The following TNFRSF1B variants were observed in gnomAD, a reference collection of about 807,000 sequenced individuals.
The protein encoded by TNFRSF1B is TNF receptor superfamily member 1B.
In TNFRSF1B, 19 loss-of-function variants were observed where a neutral mutation model predicts 44.6. The ratio of observed to expected loss-of-function variants is 0.43; its 90% CI spans 0.30 to 0.62. The LOEUF (loss-of-function observed/expected upper bound fraction) is 0.62, where lower values mean the gene tolerates loss of function less well. Ranked by LOEUF, TNFRSF1B falls within the 20% of genes least tolerant of loss-of-function variation. The pLI, the probability that TNFRSF1B is intolerant of heterozygous loss-of-function variation, is 0.16. For missense variants in TNFRSF1B, 541 were observed against 619.9 expected (o/e 0.87, Z 1.35); for synonymous variants, 252 against 261.1 (o/e 0.97, Z 0.34).
In TNFRSF1B at chr1:12,207,228, G is replaced by A; in HGVS notation, c.*208G>A. 2 of 488,630 alleles carry A rather than the reference G, an allele frequency of 4.1e-6. No homozygotes were observed. Among genetic ancestry groups the A allele is most frequent in the East Asian group, 3.3e-5 (1 of 30,422 alleles). The allele number at this position is 488,630 out of a possible 1,614,324, so 30.3% of individuals were successfully genotyped here. ...CAGCGAGTTGTGGAAAGCCTCTGCT[G>A]CCATGGCGTGTCCCTCTCGGAAGGC... On this transcript the variant is annotated 3_prime_UTR_variant, in exon 10 of 10. Coordinates refer to ENST00000376259, the MANE Select transcript of TNFRSF1B (RefSeq NM_001066.3).
intron 6 of TNFRSF1B, among the ~76,000 whole-genome samples, chr1:12,193,551 C>T (rs1221185243): frequency 6.6e-6 from 1 of 152,200 alleles, no homozygotes; most frequent in Non-Finnish European, 1.5e-5. Flanking sequence ...CCAGCCTGGG[C>T]AATGAGTGAG....
chr1:12,205,865 C>T (rs1041950488), intron 9 of TNFRSF1B, among the ~76,000 whole-genome samples: 4 of 151,930 alleles, frequency 2.6e-5, no homozygotes, highest in East Asian at 1.9e-4. Context: ...TGACCTCAGG[C>T]GATCCACCTG....
In TNFRSF1B at chr1:12,189,466, G is replaced by T. The variant is rs143923164; in HGVS notation, c.178+571G>T. Among the ~76,000 whole-genome samples the T allele has an allele frequency of 2.2e-3, 335 of 152,328 alleles. 4 individuals carry two copies. Among genetic ancestry groups the T allele is most frequent in the African/African-American group, 7.7e-3 (321 of 41,574 alleles). On this transcript the variant is annotated intron_variant, in intron 2 of 9. Coordinates refer to ENST00000376259, the MANE Select transcript of TNFRSF1B (RefSeq NM_001066.3). ...TCAGTGCATATTTGACTGACTCTGTGAATGCTTACCCATTTCACAGATGGT... is the reference window on the plus strand; with the variant it reads ...TCAGTGCATATTTGACTGACTCTGTTAATGCTTACCCATTTCACAGATGGT...
rs936556071 is a variant in TNFRSF1B at position 12,168,380 on chromosome 1, C to T, written c.78+1211C>T. ...GGCTGTCAGACTAGAATTGACTCAC[C>T]GACAGTGGGTGTCAGGAGTGGGTCC... On this transcript the variant is annotated intron_variant, in intron 1 of 9. Transcript: ENST00000376259. This position sits in a 1 kb window ranked among gnomAD's most constrained non-coding sequence, Gnocchi z 4.7. Among the ~76,000 whole-genome samples the T allele has an allele frequency of 6.6e-6, 1 of 152,154 alleles. No individual in the cohort carries two copies. The highest frequency in any genetic ancestry group is 2.4e-5 in the African/African-American group (1 of 41,432).
At chr1:12,189,722 ATCTG>A (rs1264028809) in intron 2 of TNFRSF1B, among the ~76,000 whole-genome samples, 1 of 152,202 alleles carries the variant, frequency 6.6e-6, no homozygotes, top group African/African-American at 2.4e-5. Flanking sequence ...GGTCCTGTCT[ATCTG>A]TAAGTGCTGT....
At chr1:12,197,953 A>G (rs554465903) in intron 8 of TNFRSF1B, among the ~76,000 whole-genome samples, 362 of 152,098 alleles carry the variant, frequency 2.4e-3, no homozygotes, top group African/African-American at 8.1e-3. Context: ...GTGAAACCCC[A>G]TCTCTACTAA....
At chr1:12,184,881 G>T (rs1638945771) in intron 1 of TNFRSF1B, among the ~76,000 whole-genome samples, 1 of 152,228 alleles carries the variant, frequency 6.6e-6, no homozygotes, top group South Asian at 2.1e-4. Flanking sequence ...CACGAGACCT[G>T]TGCTGGCCAC....
chr1:12,188,759 G>A lies in TNFRSF1B; in HGVS notation c.79-37G>A, dbSNP rs780866089. 6.9e-6 allele frequency: 11 copies of A among 1,595,988 alleles called. 1 individual carries two copies. The highest frequency in any genetic ancestry group is 4.0e-5 in the African/African-American group (3 of 74,554). ...ATCAGGCATGGCAGAACCCAGGGGC[G>A]GCCCTGTTGATGGCAGTCTTCCCTT... On this transcript the variant is annotated intron_variant, in intron 1 of 9. Transcript: ENST00000376259.
intron 1 of TNFRSF1B, among the ~76,000 whole-genome samples, chr1:12,183,647 T>C (rs1227276834): frequency 6.2e-5 from 9 of 146,288 alleles, no homozygotes; most frequent in African/African-American, 1.8e-4. Flanking sequence ...TCTAGCTATT[T>C]TATCTATTTT....
At chr1:12,206,653 G>A in intron 9 of TNFRSF1B, 87 bp from the exon 10 acceptor site, 3 of 1,408,490 alleles carry the variant, frequency 2.1e-6, no homozygotes, top group Admixed American at 2.4e-5. Flanking sequence ...TCTTTCCCAT[G>A]TGTCTGAATC....
Position 12,191,908 on chromosome 1 carries a change from G to A in TNFRSF1B, c.442G>A (p.Gly148Ser), listed in dbSNP as rs1237702412. 1 of 1,609,060 alleles carries A rather than the reference G, an allele frequency of 6.2e-7. No homozygotes were observed. The highest frequency in any genetic ancestry group is 2.2e-5 in the East Asian group (1 of 44,802). Residue 148 changes from glycine (G) to serine (S), a missense_variant, in exon 4 of 10, where the codon GGC becomes AGC. Coordinates refer to ENST00000376259, the MANE Select transcript of TNFRSF1B (RefSeq NM_001066.3). Reference sequence around the variant, plus strand: ...GCTGCGCAAGTGCCGCCCGGGCTTCGGCGTGGCCAGACCAGGTACGGGGTG... The same window carrying A: ...GCTGCGCAAGTGCCGCCCGGGCTTCAGCGTGGCCAGACCAGGTACGGGGTG... ...APLRKCRPGFGVARPGTETSD... is the reference protein window; with the variant it reads ...APLRKCRPGFSVARPGTETSD...
chr1:12,200,034 C>T (rs1639352628), intron 8 of TNFRSF1B, among the ~76,000 whole-genome samples: 1 of 152,158 alleles, frequency 6.6e-6, no homozygotes, highest in African/African-American at 2.4e-5. Flanking sequence ...GGGACCTTGC[C>T]TTGAGCCTCC....
rs1557639328 is a variant in TNFRSF1B, at chr1:12,199,708, G to T, written c.901-2259G>T. ...AGGCAGGAGGTCTCAGCCTTTCTTG[G>T]GGGGCGGTGGCACCTGCGCTGCTCG... On this transcript the variant is annotated intron_variant, in intron 8 of 9. Transcript: ENST00000376259. The surrounding 1 kb of genome is among the most constrained non-coding windows in gnomAD (Gnocchi z 4.0). 6.6e-6 allele frequency among the ~76,000 whole-genome samples: 1 copy of T among 152,166 alleles called. No homozygotes were observed.
rs749531606 is a variant in TNFRSF1B, at chr1:12,191,942, G to A, written c.457+19G>A. The A allele has an allele frequency of 2.6e-5, 41 of 1,603,536 alleles. No individual in the cohort carries two copies. The highest frequency in any genetic ancestry group is 3.4e-5 in the Non-Finnish European group (40 of 1,175,600). ...AGACCAGGTACGGGGTGGGGCTCAG[G>A]TCCTTGGGGACGCCCATGGGCCTCT... On this transcript the variant is annotated intron_variant, in intron 4 of 9. Coordinates refer to ENST00000376259, the MANE Select transcript of TNFRSF1B (RefSeq NM_001066.3).
In TNFRSF1B at chr1:12,188,912, G is replaced by C. The variant is rs1216886925; in HGVS notation, c.178+17G>C. On this transcript the variant is annotated intron_variant, in intron 2 of 9. Transcript: ENST00000376259. ...GCTCGCCGGGTGAGGGCAGCCACGG[G>C]GGCACTCGGGGCCCATGCCCTGGAG... 6.2e-7 allele frequency: 1 copy of C among 1,608,482 alleles called. No individual in the cohort carries two copies. The highest frequency in any genetic ancestry group is 8.5e-7 in the Non-Finnish European group (1 of 1,177,344).
intron 8 of TNFRSF1B, among the ~76,000 whole-genome samples, chr1:12,197,408 T>G (rs953770314): frequency 6.6e-6 from 1 of 152,234 alleles, no homozygotes; most frequent in Non-Finnish European, 1.5e-5. Context: ...GTAGCCAGTT[T>G]CCAACTCCCA....
chr1:12,173,368 G>A (rs940860062), intron 1 of TNFRSF1B, among the ~76,000 whole-genome samples: 1 of 152,112 alleles, frequency 6.6e-6, no homozygotes, highest in African/African-American at 2.4e-5. Flanking sequence ...TCTTCTTCTT[G>A]CTGACCTCAA....
At position 12,194,630 on chromosome 1, in the gene TNFRSF1B, C is replaced by G; in HGVS notation, c.900+12C>G. On this transcript the variant is annotated intron_variant, in intron 8 of 9. Coordinates refer to ENST00000376259, the MANE Select transcript of TNFRSF1B (RefSeq NM_001066.3). The stretch of plus-strand genomic sequence containing the variant: ...GAGAAGCCAAGGTGGTGAGTGTCTC[C>G]ACTGCCCTCTCCCCCTCTTCCCCTG... 1 of 1,614,118 alleles carries G rather than the reference C, an allele frequency of 6.2e-7. No individual in the cohort carries two copies. The highest frequency in any genetic ancestry group is 2.2e-5 in the East Asian group (1 of 44,890).
chr1:12,204,079 A>G (rs538449234), intron 9 of TNFRSF1B, among the ~76,000 whole-genome samples: 1 of 152,248 alleles, frequency 6.6e-6, no homozygotes, highest in South Asian at 2.1e-4. Flanking sequence ...TCCTTGGGCC[A>G]GGGTGGAGCC....
Sources: allele counts gnomAD v4.1 joint callset (sites outside exome capture counted in the v4.1 genomes callset), GRCh38; gene constraint gnomAD v4.1.1; non-coding constraint Gnocchi (gnomAD v3.1); transcripts MANE v1.5; gene names NCBI Gene and HGNC (gene_info 2026-07-23, HGNC 2026-07-21).